Variants in MLIP observed in about 807,000 individuals in gnomAD.
MLIP encodes the protein muscular LMNA interacting protein, also known as muscular LMNA-interacting protein.
MLIP carries 79 observed loss-of-function variants against 84.8 expected under a neutral mutation model. The observed-to-expected ratio is 0.93, with a 90% CI of 0.78 to 1.12. The LOEUF is 1.12. Ranked by LOEUF, MLIP falls within the 50% of genes most tolerant of loss-of-function variation. The pLI is 0.00. For missense variants in MLIP, 1,257 were observed against 1,160.6 expected, an observed-to-expected ratio of 1.08 and a Z score of -1.21; for synonymous variants, 504 against 463.0, an observed-to-expected ratio of 1.09 and a Z score of -1.14.
intron 10 of MLIP, among the ~76,000 whole-genome samples, chr6:54,199,252 G>A (rs554037115): frequency 2.0e-5 from 3 of 152,042 alleles, no homozygotes; most frequent in South Asian, 2.1e-4. Context: ...CCCTGGAATC[G>A]GCATAGAAGT....
chr6:54,189,764 C>T, intron 9 of MLIP, 106 bp from the exon 10 acceptor site: 1 of 790,508 alleles, frequency 1.3e-6, no homozygotes. Context: ...TTTTCAAAAT[C>T]CTATCATGGA....
At chr6:54,139,654 T>G (rs577214022) in intron 4 of MLIP, among the ~76,000 whole-genome samples, 1 of 152,172 alleles carries the variant, frequency 6.6e-6, no homozygotes, top group South Asian at 2.1e-4. Context: ...TATATGAAGT[T>G]GATAATACTA....
intron 12 of MLIP, among the ~76,000 whole-genome samples, chr6:54,232,525 A>T (rs1482644652): frequency 1.3e-5 from 2 of 152,160 alleles, no homozygotes; most frequent in Non-Finnish European, 2.9e-5. Flanking sequence ...TAATAATAGT[A>T]ATAATAATAA....
intron 1 of MLIP, among the ~76,000 whole-genome samples, chr6:54,075,967 T>G (rs970389791): frequency 6.6e-6 from 1 of 152,238 alleles, no homozygotes; most frequent in Non-Finnish European, 1.5e-5. Flanking sequence ...GGAACCATTT[T>G]ATTTTCTTTT....
At chr6:54,118,501 T>C (rs1014848313) in intron 1 of MLIP, among the ~76,000 whole-genome samples, 63 of 152,212 alleles carry the variant, frequency 4.1e-4, no homozygotes, top group Admixed American at 4.1e-3. Context: ...TGGACCTCTG[T>C]CTTTAACCAT....
At chr6:54,187,626 A>T (rs1299263508) in intron 9 of MLIP, among the ~76,000 whole-genome samples, 6 of 152,172 alleles carry the variant, frequency 3.9e-5, no homozygotes, top group Non-Finnish European at 8.8e-5. Flanking sequence ...ATATGCAAAA[A>T]CCATCCAGAA....
At chr6:54,127,643 A>G (rs1771033924) in intron 3 of MLIP, among the ~76,000 whole-genome samples, 1 of 152,132 alleles carries the variant, frequency 6.6e-6, no homozygotes, top group South Asian at 2.1e-4. Context: ...CCCATGTTAA[A>G]TTCAGTTTTA....
In MLIP at chr6:54,120,519, A is replaced by G. The variant is rs1163162566; in HGVS notation, c.97-928A>G. On this transcript the variant is annotated intron_variant, in intron 1 of 13. Coordinates refer to ENST00000502396, the MANE Select transcript of MLIP (RefSeq NM_001281747.2). The stretch of plus-strand genomic sequence containing the variant: ...CTCCCAAAGTGCTGGGATTACAGGC[A>G]GGAGCCACCGCTCCCGGCTGGTTTG... Among the ~76,000 whole-genome samples the G allele has an allele frequency of 8.5e-5, 13 of 152,174 alleles. No individual in the cohort carries two copies. In the East Asian group the frequency reaches 1.6e-3, roughly 18 times the overall value.
At chr6:54,262,198 A>G (rs1783432017) in intron 13 of MLIP, among the ~76,000 whole-genome samples, 1 of 151,990 alleles carries the variant, frequency 6.6e-6, no homozygotes, top group South Asian at 2.1e-4. Context: ...ACAGAACAAA[A>G]CAAAACCTTT....
intron 1 of MLIP, among the ~76,000 whole-genome samples, chr6:54,020,832 T>A (rs1224989775): frequency 6.6e-6 from 1 of 152,080 alleles, no homozygotes; most frequent in African/African-American, 2.4e-5. Context: ...TGGCGGCACA[T>A]CAGAGGCATA....
At chr6:54,265,278 G>A (rs752143380) in intron 13 of MLIP, among the ~76,000 whole-genome samples, 1 of 151,944 alleles carries the variant, frequency 6.6e-6, no homozygotes, top group Non-Finnish European at 1.5e-5. Context: ...TGTATAATCT[G>A]CCTTCACAGT....
At chr6:54,064,373 C>T (rs1396813286) in intron 1 of MLIP, among the ~76,000 whole-genome samples, 1 of 99,944 alleles carries the variant, frequency 1.0e-5, no homozygotes, top group African/African-American at 2.6e-5. Flanking sequence ...TCAATGCCTA[C>T]GATATGCTTA....
chr6:54,027,089 C>G (rs987298160), intron 1 of MLIP, among the ~76,000 whole-genome samples: 4 of 151,980 alleles, frequency 2.6e-5, no homozygotes, highest in Non-Finnish European at 5.9e-5. Context: ...TATCACTGAT[C>G]AAATGTAAAA....
Position 54,178,700 on chromosome 6 carries a change from C to T in MLIP, c.2544+9128C>T, listed in dbSNP as rs1226533220. Among the ~76,000 whole-genome samples, 4 of 152,146 alleles carry T rather than the reference C, an allele frequency of 2.6e-5. No homozygotes were observed. In the East Asian group the frequency reaches 7.7e-4, roughly 29 times the overall value. On this transcript the variant is annotated intron_variant, in intron 9 of 13. Transcript: ENST00000502396. Reference sequence around the variant, plus strand: ...TAATTTCCATGTGTTTGTATAGTTACCAAATTTCATGTTGTTATTGATTTC... The same window carrying T: ...TAATTTCCATGTGTTTGTATAGTTATCAAATTTCATGTTGTTATTGATTTC...
At chr6:54,166,959 CTT>C (rs1005941256) in intron 8 of MLIP, among the ~76,000 whole-genome samples, 6 of 151,964 alleles carry the variant, frequency 3.9e-5, no homozygotes, top group Non-Finnish European at 8.8e-5. Context: ...AGGCCGAAAA[CTT>C]TGGTGTCATG....
chr6:54,261,239 C>T lies in MLIP; in HGVS notation c.2976+3878C>T, dbSNP rs9367557. 2.9e-3 allele frequency among the ~76,000 whole-genome samples: 443 copies of T among 152,202 alleles called. 5 individuals are homozygous for T. The highest frequency in any genetic ancestry group is 0.02 in the South Asian group (98 of 4,832). ...TCCACAACCACTCCATAAACTACTT[C>T]TCCTTCTGCAGACTTGTTTGTGAAA... On this transcript the variant is annotated intron_variant, in intron 13 of 13. Transcript: ENST00000502396.
At chr6:54,220,069 A>G (rs1323745399) in intron 11 of MLIP, among the ~76,000 whole-genome samples, 4 of 152,238 alleles carry the variant, frequency 2.6e-5, no homozygotes, top group South Asian at 2.1e-4. Flanking sequence ...TATGTCTAAC[A>G]TAAGCTTGTC....
rs906128628 is a variant in MLIP, at chr6:54,131,578, G to T, written c.646-5137G>T. On this transcript the variant is annotated intron_variant, in intron 3 of 13. Coordinates refer to ENST00000502396, the MANE Select transcript of MLIP (RefSeq NM_001281747.2). ...AAAGGAAGGAATTCTATAAGGCTGG[G>T]ACTCTTTGGGTAGTCATTTTAGGGT... Among the ~76,000 whole-genome samples, 6 of 152,062 alleles carry T rather than the reference G, an allele frequency of 3.9e-5. No homozygotes were observed. The South Asian group carries it at 1.2e-3, about 32-fold the overall frequency.
intron 4 of MLIP, among the ~76,000 whole-genome samples, 171 bp from the exon 5 acceptor site, chr6:54,148,885 A>G (rs529991326): frequency 9.9e-5 from 15 of 152,196 alleles, no homozygotes; most frequent in Non-Finnish European, 1.9e-4. Flanking sequence ...TCATTCTAAT[A>G]AAATATTAAC....
Sources: allele counts gnomAD v4.1 joint callset (sites outside exome capture counted in the v4.1 genomes callset), GRCh38; gene constraint gnomAD v4.1.1; transcripts MANE v1.5; gene names NCBI Gene and HGNC (gene_info 2026-07-23, HGNC 2026-07-21).